The following TMEFF2 variants were observed in gnomAD, a reference collection of about 807,000 sequenced individuals.
TMEFF2 encodes tomoregulin-2.
A neutral mutation model predicts 53.8 loss-of-function variants in TMEFF2; 28 were observed. That is an observed-to-expected ratio of 0.52 (90% CI 0.39 to 0.71). The LOEUF (loss-of-function observed/expected upper bound fraction) is 0.71, where lower values mean the gene tolerates loss of function less well. Among genes scored for constraint, TMEFF2 ranks in the 30% least tolerant of loss-of-function variants. The probability of loss-of-function intolerance (pLI) is 0.00; values close to 1 mark genes in which losing one functional copy is unlikely to be tolerated. For missense variants in TMEFF2, 353 were observed against 455.2 expected, an observed-to-expected ratio of 0.78 and a Z score of 2.04; for synonymous variants, 162 against 166.3, an observed-to-expected ratio of 0.97 and a Z score of 0.20.
chr2:192,031,474 G>T (rs1187555095), intron 5 of TMEFF2: 15 of 152,188 alleles, frequency 9.9e-5, no homozygotes. Flanking sequence ...GGAAGCCTCA[G>T]AACTAGATAA....
intron 4 of TMEFF2, among the ~76,000 whole-genome samples, chr2:192,088,742 GTTTC>G (rs1688721241): frequency 6.6e-6 from 1 of 151,836 alleles, no homozygotes; most frequent in African/African-American, 2.4e-5. Flanking sequence ...CCTAAAATTG[GTTTC>G]TTTTCTTCTG....
At chr2:192,047,713 T>C (rs1390017648) in intron 5 of TMEFF2, among the ~76,000 whole-genome samples, 1 of 152,240 alleles carries the variant, frequency 6.6e-6, no homozygotes. Flanking sequence ...ATTTAGACTT[T>C]CAGCAGTATT....
chr2:192,002,372 C>G (rs1686385850), intron 5 of TMEFF2, among the ~76,000 whole-genome samples: 1 of 152,086 alleles, frequency 6.6e-6, no homozygotes, highest in Non-Finnish European at 1.5e-5. Flanking sequence ...ATCTTTGCTC[C>G]CTACTCTATA....
intron 5 of TMEFF2, among the ~76,000 whole-genome samples, chr2:192,013,975 A>T (rs1004456322): frequency 6.6e-6 from 1 of 152,368 alleles, no homozygotes; most frequent in East Asian, 1.9e-4. Flanking sequence ...TAAAGTTTAG[A>T]TTCAAATTAC....
intron 4 of TMEFF2, among the ~76,000 whole-genome samples, chr2:192,125,096 A>C (rs1689644861): frequency 6.6e-6 from 1 of 152,180 alleles, no homozygotes; most frequent in Admixed American, 6.5e-5. Flanking sequence ...CATCCCAAAC[A>C]ACAACACTTG....
intron 5 of TMEFF2, among the ~76,000 whole-genome samples, chr2:192,026,944 C>A (rs1165605848): frequency 6.6e-6 from 1 of 152,228 alleles, no homozygotes; most frequent in Non-Finnish European, 1.5e-5. Flanking sequence ...AGCTCCCCTG[C>A]CATTTTGATG....
intron 4 of TMEFF2, among the ~76,000 whole-genome samples, chr2:192,062,818 TTTC>T (rs1688076780): frequency 6.6e-6 from 1 of 152,062 alleles, no homozygotes; most frequent in African/African-American, 2.4e-5. Context: ...TGGCTGTAAT[TTTC>T]TTTTCTTGTA....
intron 5 of TMEFF2, among the ~76,000 whole-genome samples, chr2:192,017,310 A>C (rs961751754): frequency 3.9e-5 from 6 of 152,194 alleles, no homozygotes; most frequent in African/African-American, 1.4e-4. Flanking sequence ...AGGACCTTGA[A>C]GACACAGGGA....
At chr2:192,027,409 C>T (rs913133884) in intron 5 of TMEFF2, among the ~76,000 whole-genome samples, 3 of 152,166 alleles carry the variant, frequency 2.0e-5, no homozygotes, top group Admixed American at 6.5e-5. Context: ...CAGAGAGGAG[C>T]GCTATCCTTA....
intron 7 of TMEFF2, among the ~76,000 whole-genome samples, chr2:191,978,158 C>CT: frequency 2.0e-5 from 3 of 152,076 alleles, no homozygotes; most frequent in Non-Finnish European, 4.4e-5. Flanking sequence ...CCTTTAATAT[C>CT]TGCCACAAGA....
At position 192,191,867 on chromosome 2, in the gene TMEFF2, T is replaced by C. The variant is rs759928857; in HGVS notation, c.282+13A>G. On this transcript the variant is annotated intron_variant, in intron 2 of 9. Coordinates refer to ENST00000272771, the MANE Select transcript of TMEFF2 (RefSeq NM_016192.4). ...ATTAATGAATTAGAAGATGCAAATA[T>C]AAGACTTCTTACCTTGAACTGACAG... is the stretch of plus-strand genomic sequence containing the variant. 1.3e-6 allele frequency: 2 copies of C among 1,559,338 alleles called. No homozygotes were observed. The highest frequency in any genetic ancestry group is 8.8e-7 in the Non-Finnish European group (1 of 1,131,044).
chr2:192,083,160 A>C (rs1005757842), intron 4 of TMEFF2, among the ~76,000 whole-genome samples: 1 of 152,156 alleles, frequency 6.6e-6, no homozygotes, highest in Admixed American at 6.5e-5. Flanking sequence ...GGAGGTATAA[A>C]GGAAGGCAAA....
At chr2:192,120,754 TG>T (rs1689531452) in intron 4 of TMEFF2, among the ~76,000 whole-genome samples, 1 of 152,100 alleles carries the variant, frequency 6.6e-6, no homozygotes, top group Non-Finnish European at 1.5e-5. Context: ...TTTTTTTTTT[TG>T]AGATGGAGTC....
rs116054951 is a variant in TMEFF2 at position 192,149,797 on chromosome 2, G to A, written c.439+29871C>T. On this transcript the variant is annotated intron_variant, in intron 4 of 9. Coordinates refer to ENST00000272771, the MANE Select transcript of TMEFF2 (RefSeq NM_016192.4). Reference sequence around the variant, plus strand: ...GTGTAATAAGAAGTCTATCTTACACGTACCATTACATATTTTCATACAATT... The same window carrying A: ...GTGTAATAAGAAGTCTATCTTACACATACCATTACATATTTTCATACAATT... Among the ~76,000 whole-genome samples the A allele has an allele frequency of 5.2e-3, 784 of 151,962 alleles. 4 individuals carry two copies. Among genetic ancestry groups the A allele is most frequent in the African/African-American group, 0.017 (713 of 41,490 alleles).
chr2:192,048,395 C>CACAG (rs1260466382), intron 5 of TMEFF2, among the ~76,000 whole-genome samples: 1 of 151,090 alleles, frequency 6.6e-6, no homozygotes, highest in African/African-American at 2.4e-5. Context: ...CACACACACA[C>CACAG]AGAAAATATA....
intron 4 of TMEFF2, among the ~76,000 whole-genome samples, chr2:192,121,936 C>T (rs1041177037): frequency 7.2e-5 from 11 of 152,050 alleles, no homozygotes; most frequent in African/African-American, 2.7e-4. Context: ...ATAAGGAGTA[C>T]AAAATTACAG....
At chr2:192,128,985 C>A (rs1689745282) in intron 4 of TMEFF2, among the ~76,000 whole-genome samples, 1 of 152,182 alleles carries the variant, frequency 6.6e-6, no homozygotes, top group Non-Finnish European at 1.5e-5. Flanking sequence ...AACCACAGTG[C>A]ACTTTTCAGT....
At chr2:192,119,387 T>C (rs997098489) in intron 4 of TMEFF2, among the ~76,000 whole-genome samples, 1 of 152,212 alleles carries the variant, frequency 6.6e-6, no homozygotes, top group Non-Finnish European at 1.5e-5. Flanking sequence ...CATCTTTGAA[T>C]ATGTTTTTCC....
At chr2:192,145,785 G>A (rs1690236845) in intron 4 of TMEFF2, among the ~76,000 whole-genome samples, 1 of 151,814 alleles carries the variant, frequency 6.6e-6, no homozygotes, top group African/African-American at 2.4e-5. Context: ...TATATTTTAG[G>A]GTTGCCACAA....
Sources: gnomAD v4.1 joint callset for allele counts (sites outside exome capture counted in the v4.1 genomes callset) on GRCh38, gnomAD v4.1.1 for gene constraint, MANE v1.5 for transcripts, NCBI Gene and HGNC (gene_info 2026-07-23, HGNC 2026-07-21) for gene names.